The following NPHS1 variants were observed in gnomAD, a reference collection of about 807,000 sequenced individuals.
NPHS1 encodes the protein NPHS1 adhesion molecule, nephrin, also known as nephrin.
NPHS1 carries 107 observed loss-of-function variants against 139.7 expected under a neutral mutation model. The ratio of observed to expected loss-of-function variants is 0.77; its 90% CI spans 0.66 to 0.90. The LOEUF (loss-of-function observed/expected upper bound fraction) is 0.90. Ranked by LOEUF, NPHS1 falls within the 40% of genes least tolerant of loss-of-function variation. NPHS1 has a pLI of 0.00. For missense variants in NPHS1, 1,580 were observed against 1,654.2 expected (o/e 0.96, Z 0.78); for synonymous variants, 707 against 706.6 (o/e 1.00, Z -0.01).
chr19:35,834,134 C>T (rs1026044685), intron 23 of NPHS1, among the ~76,000 whole-genome samples: 1 of 152,150 alleles, frequency 6.6e-6, no homozygotes, highest in African/African-American at 2.4e-5. Context: ...GAGTGCGGGG[C>T]CTTTCCACAC....
Position 35,846,071 on chromosome 19 carries a change from T to G in NPHS1, c.1564A>C (p.Asn522His). Reference protein sequence around the residue: ...ELVLVTGPSDNQAKFTCKAGQ... With the variant: ...ELVLVTGPSDHQAKFTCKAGQ... ...GCCTTGCACGTGAACTTGGCCTGGT[T>G]GTCCGACGGCCCTGTGACCAGCACC... Residue 522 changes from asparagine to histidine, a missense_variant, in exon 12 of 29, where the codon AAC (asparagine) becomes CAC (histidine). Physicochemically the swap from Asn to His is moderately conservative, Grantham distance 68. Coordinates refer to ENST00000378910, the MANE Select transcript of NPHS1 (RefSeq NM_004646.4). The G allele has an allele frequency of 6.3e-7, 1 of 1,595,992 alleles. No homozygotes were observed. Among genetic ancestry groups the G allele is most frequent in the Non-Finnish European group, 8.5e-7 (1 of 1,171,640 alleles).
chr19:35,850,270 C>A, intron 5 of NPHS1, 94 bp downstream of exon 5: 1 of 985,030 alleles, frequency 1.0e-6, no homozygotes, highest in South Asian at 1.3e-5. Context: ...GATGTTCATA[C>A]CTAGCCCAAG....
At chr19:35,832,615 C>T (rs1972899372) in intron 23 of NPHS1, among the ~76,000 whole-genome samples, 1 of 151,616 alleles carries the variant, frequency 6.6e-6, no homozygotes, top group Admixed American at 6.6e-5. Flanking sequence ...GTTGGCTGGG[C>T]ACGGTGGCTC....
chr19:35,841,857 C>T lies in NPHS1; in HGVS notation c.2673G>A (p.Glu891=). The T allele has an allele frequency of 6.2e-7, 1 of 1,610,822 alleles. No individual in the cohort carries two copies. The highest frequency in any genetic ancestry group is 8.5e-7 in the Non-Finnish European group (1 of 1,178,488). ...PLDLQDPRYT[E]HTYHQGGVHS... Reference sequence around the variant, plus strand: ...GGACACCACCCTGGTGGTATGTGTGCTCCGTGTACCTAGAGAGAAGGTAGG... The same window carrying T: ...GGACACCACCCTGGTGGTATGTGTGTTCCGTGTACCTAGAGAGAAGGTAGG... The change falls in exon 20 of 29, where the codon GAG becomes GAA. Residue 891 remains glutamate (E), a synonymous_variant. Coordinates refer to ENST00000378910, the MANE Select transcript of NPHS1 (RefSeq NM_004646.4).
chr19:35,845,405 G>T lies in NPHS1; in HGVS notation c.1893C>A (p.Arg631=). 6.2e-7 allele frequency: 1 copy of T among 1,614,260 alleles called. No homozygotes were observed. The highest frequency in any genetic ancestry group is 8.5e-7 in the Non-Finnish European group (1 of 1,180,054). ...GGCGATAGAAGGAGCTCACGGTTTC[G>T]CGGAGCTCGGCGCTGTGGGCGCGGC... is the stretch of plus-strand genomic sequence containing the variant. The part of the protein sequence containing the change: ...VTCRAHSAEL[R]ETVSSFYRLN... The change falls in exon 14 of 29, where the codon CGC becomes CGA. Residue 631 remains arginine (R), a synonymous_variant. Coordinates refer to ENST00000378910, the MANE Select transcript of NPHS1 (RefSeq NM_004646.4). This position sits in a 1 kb window ranked among gnomAD's most constrained non-coding sequence, Gnocchi z 5.5.
chr19:35,839,554 C>T lies in NPHS1; in HGVS notation c.2869G>A (p.Val957Met), dbSNP rs114849139. The T allele has an allele frequency of 1.9e-5, 30 of 1,614,168 alleles. No individual in the cohort carries two copies. In the Admixed American group the frequency reaches 2.5e-4, roughly 13 times the overall value. Residue 957 changes from valine to methionine, a missense_variant, in exon 21 of 29, where the codon GTG (valine) becomes ATG (methionine). By Grantham distance (21) the Val-to-Met change is conservative. Coordinates refer to ENST00000378910, the MANE Select transcript of NPHS1 (RefSeq NM_004646.4). ...AAGCCAGGCTTCCACTCCAGCCCCA[C>T]GGAGTGTGGGGTCAGACTCACAACC... ...LKVVSLTPHS[V>M]GLEWKPGFDG...
At chr19:35,850,652 G>A (rs370235142) in intron 4 of NPHS1, among the ~76,000 whole-genome samples, 18 of 152,152 alleles carry the variant, frequency 1.2e-4, no homozygotes, top group African/African-American at 4.1e-4. Flanking sequence ...GGGCCTCCCC[G>A]CTCTTCTCAA....
intron 20 of NPHS1, among the ~76,000 whole-genome samples, chr19:35,839,876 A>G (rs1485637879): frequency 2.6e-5 from 4 of 152,190 alleles, no homozygotes; most frequent in African/African-American, 9.6e-5. Context: ...CCTGTCTCAA[A>G]TTAAACATTA....
chr19:35,851,804 G>A lies in NPHS1; in HGVS notation c.34C>T (p.Leu12=). ...CCTTCAGTCAGCAGCCCCAGGAGCA[G>A]GAGAGAAGCCCTGAGCGTCGTCCCC... ...ALGTTLRASL[L]LLGLLTEGLA... The change falls in exon 1 of 29, where the codon CTG becomes TTG. Residue 12 remains leucine (L), a synonymous_variant. Coordinates refer to ENST00000378910, the MANE Select transcript of NPHS1 (RefSeq NM_004646.4). 2 of 1,553,206 alleles carry A rather than the reference G, an allele frequency of 1.3e-6. No individual in the cohort carries two copies. Among genetic ancestry groups the A allele is most frequent in the Non-Finnish European group, 1.7e-6 (2 of 1,147,890 alleles).
intron 23 of NPHS1, among the ~76,000 whole-genome samples, chr19:35,832,007 C>CTCAGCT (rs2146808426): frequency 6.6e-6 from 1 of 152,322 alleles, no homozygotes; most frequent in Non-Finnish European, 1.5e-5. Context: ...GAACTCTGGA[C>CTCAGCT]TCAGGAGGGA....
At chr19:35,835,090 C>T (rs1246750140) in intron 23 of NPHS1, among the ~76,000 whole-genome samples, 21 of 149,244 alleles carry the variant, frequency 1.4e-4, no homozygotes, top group Admixed American at 1.1e-3. Context: ...ATCCCAGCAA[C>T]TCGGGAGGCT....
intron 22 of NPHS1, among the ~76,000 whole-genome samples, chr19:35,837,007 A>AAAG (rs1972971431): frequency 2.2e-5 from 3 of 139,058 alleles, no homozygotes; most frequent in African/African-American, 8.1e-5. Context: ...AAAAAAAAAA[A>AAAG]AAAGAAAGAA....
chr19:35,842,155 T>C lies in NPHS1; in HGVS notation c.2632A>G (p.Asn878Asp), dbSNP rs1463330191. The change falls in exon 19 of 29, where the codon AAC becomes GAC. Residue 878 changes from asparagine to aspartate, a missense_variant. Transcript: ENST00000378910. ...TCTTGGAGATCCAGAGGGACCCCGT[T>C]TTTTGTCCAAGTGAAAACGATGTTG... is the stretch of plus-strand genomic sequence containing the variant. Reference protein sequence around the residue: ...VPNIVFTWTKNGVPLDLQDPR... With the variant: ...VPNIVFTWTKDGVPLDLQDPR... 7 of 1,608,270 alleles carry C rather than the reference T, an allele frequency of 4.4e-6. No individual in the cohort carries two copies. In the African/African-American group the frequency reaches 6.7e-5, roughly 15 times the overall value.
Position 35,845,307 on chromosome 19 carries a change from C to A in NPHS1, c.1930+61G>T. 8 of 1,567,258 alleles carry A rather than the reference C, an allele frequency of 5.1e-6. No homozygotes were observed. Among genetic ancestry groups the A allele is most frequent in the Non-Finnish European group, 5.3e-6 (6 of 1,137,778 alleles). On this transcript the variant is annotated intron_variant, in intron 14 of 28. Transcript: ENST00000378910. This position sits in a 1 kb window ranked among gnomAD's most constrained non-coding sequence, Gnocchi z 5.5. ...GAAAAAGAAGGAAAAAAAGGTAAGA[C>A]CCAAGGAGTAGTTTAGGGTCAAGAA...
chr19:35,835,589 C>G, intron 23 of NPHS1, 116 bp downstream of exon 23: 1 of 961,126 alleles, frequency 1.0e-6, no homozygotes, highest in Admixed American at 1.7e-5. Context: ...AGCGACTGAG[C>G]TTGGCCAGAA....
At position 35,843,644 on chromosome 19, in the gene NPHS1, G is replaced by C. The variant is rs1281855625; in HGVS notation, c.2213-51C>G. Reference sequence around the variant, plus strand: ...AGACACTTGGGCCCAGACAGGTCTGGGTGTGAGAGGGCCCCAGGTGGGAGG... The same window carrying C: ...AGACACTTGGGCCCAGACAGGTCTGCGTGTGAGAGGGCCCCAGGTGGGAGG... On this transcript the variant is annotated intron_variant, in intron 16 of 28. Transcript: ENST00000378910. 2.5e-6 allele frequency: 4 copies of C among 1,605,274 alleles called. No individual in the cohort carries two copies. The South Asian group carries it at 3.3e-5, about 13-fold the overall frequency.
chr19:35,849,558 T>C lies in NPHS1; in HGVS notation c.704A>G (p.Asn235Ser), dbSNP rs780074630. The change falls in exon 6 of 29, where the codon AAT becomes AGT. Residue 235 changes from asparagine (N) to serine (S), a missense_variant. Coordinates refer to ENST00000378910, the MANE Select transcript of NPHS1 (RefSeq NM_004646.4). ...CCCAGTTCTCCACTTACACAGAACATTCACGGTGAATGAGGCCTTGATGGG... is the reference window on the plus strand; with the variant it reads ...CCCAGTTCTCCACTTACACAGAACACTCACGGTGAATGAGGCCTTGATGGG... Reference protein sequence around the residue: ...EAPIKASFTVNVLFPPGPPVI... With the variant: ...EAPIKASFTVSVLFPPGPPVI... The C allele has an allele frequency of 1.9e-6, 3 of 1,613,736 alleles. No individual in the cohort carries two copies. The highest frequency in any genetic ancestry group is 1.1e-5 in the South Asian group (1 of 91,068).
Position 35,851,666 on chromosome 19 carries a change from G to T in NPHS1, c.65C>A (p.Ala22Glu), listed in dbSNP as rs116617171. The change falls in exon 2 of 29, where the codon GCG becomes GAG. Residue 22 changes from alanine to glutamate, a missense_variant. Transcript: ENST00000378910. Reference sequence around the variant, plus strand: ...AACGGAGGCAGGAATCGCCAACTGCGCCAGGCCTGAGGACACAGCGCGGTG... The same window carrying T: ...AACGGAGGCAGGAATCGCCAACTGCTCCAGGCCTGAGGACACAGCGCGGTG... ...LLLGLLTEGLAQLAIPASVPR... is the reference protein window; with the variant it reads ...LLLGLLTEGLEQLAIPASVPR... The T allele has an allele frequency of 6.2e-7, 1 of 1,612,418 alleles. No individual in the cohort carries two copies. The highest frequency in any genetic ancestry group is 8.5e-7 in the Non-Finnish European group (1 of 1,179,314).
chr19:35,845,644 G>C lies in NPHS1; in HGVS notation c.1757+25C>G. ...GGAGGGGGCGAGGCCAGACCAGAGAGGGGAGGGATCCCTCGCACTCCCACC... is the reference window on the plus strand; with the variant it reads ...GGAGGGGGCGAGGCCAGACCAGAGACGGGAGGGATCCCTCGCACTCCCACC... On this transcript the variant is annotated intron_variant, in intron 13 of 28. Coordinates refer to ENST00000378910, the MANE Select transcript of NPHS1 (RefSeq NM_004646.4). This position sits in a 1 kb window ranked among gnomAD's most constrained non-coding sequence, Gnocchi z 5.5. 3 of 1,612,060 alleles carry C rather than the reference G, an allele frequency of 1.9e-6. No individual in the cohort carries two copies. Among genetic ancestry groups the C allele is most frequent in the East Asian group, 2.2e-5 (1 of 44,798 alleles).
Sources: gnomAD v4.1 joint callset for allele counts (sites outside exome capture counted in the v4.1 genomes callset) on GRCh38, gnomAD v4.1.1 for gene constraint, Gnocchi (gnomAD v3.1) non-coding constraint, MANE v1.5 for transcripts, NCBI Gene and HGNC (gene_info 2026-07-23, HGNC 2026-07-21) for gene names.